The following PHRF1 variants were observed in gnomAD, a reference collection of about 807,000 sequenced individuals.
PHRF1 encodes PHD and ring finger domains 1, also known as PHD and RING finger domain-containing protein 1.
A neutral mutation model predicts 128.9 loss-of-function variants in PHRF1; 53 were observed. That is an observed-to-expected ratio of 0.41 (90% CI 0.33 to 0.52). The LOEUF is 0.52. Among genes scored for constraint, PHRF1 ranks in the 20% least tolerant of loss-of-function variants. The probability of loss-of-function intolerance (pLI) is 0.21; values close to 1 mark genes in which losing one functional copy is unlikely to be tolerated. For missense variants in PHRF1, 2,503 were observed against 2,284.5 expected (o/e 1.10, Z -1.95); for synonymous variants, 1,178 against 980.6 (o/e 1.20, Z -3.76).
At chr11:585,029 C>T (rs1412361746) in intron 3 of PHRF1, among the ~76,000 whole-genome samples, 6 of 152,176 alleles carry the variant, frequency 3.9e-5, no homozygotes, top group Non-Finnish European at 7.4e-5. Context: ...TGAGCCACCG[C>T]GCCTGGCCAG....
At position 585,565 on chromosome 11, in the gene PHRF1, CTTG is replaced by C. The variant is rs1428752825; in HGVS notation, c.215-1693_215-1691del. On this transcript the variant is annotated intron_variant, in intron 3 of 17. Coordinates refer to ENST00000264555, the MANE Select transcript of PHRF1 (RefSeq NM_001286581.2). The stretch of plus-strand genomic sequence containing the variant: ...AGCTTGAGGTAGTAGCCCTTTCCAG[CTTG>C]AGGTAGTAGCCCTTTCCAGCTTGAG... Among the ~76,000 whole-genome samples the C allele has an allele frequency of 8.9e-3, 1,119 of 125,280 alleles. 7 individuals are homozygous for C. The highest frequency in any genetic ancestry group is 0.012 in the Non-Finnish European group (729 of 62,090). The allele number at this position is 125,280 out of a possible 152,430, so 82.2% of individuals were successfully genotyped here. A position where few individuals can be genotyped will look rare whatever the true frequency, so the allele number is the denominator to read the frequency against.
At position 608,750 on chromosome 11, in the gene PHRF1, C is replaced by T. The variant is rs753520297; in HGVS notation, c.3294C>T (p.Ser1098=). The change falls in exon 14 of 18, where the codon AGC becomes AGT. Residue 1098 remains serine (S), a synonymous_variant. Coordinates refer to ENST00000264555, the MANE Select transcript of PHRF1 (RefSeq NM_001286581.2). ...GGTCGCGGTCGGGGAGCCCTGGCAG[C>T]TCTTCCTATGAGCACTATGAGAGTA... ...TSRSRSGSPG[S]SSYEHYESRK... 1.0e-4 allele frequency: 167 copies of T among 1,611,500 alleles called. No homozygotes were observed. The highest frequency in any genetic ancestry group is 8.2e-4 in the Middle Eastern group (5 of 6,082).
rs375754607 is a variant in PHRF1, at chr11:605,339, C to T, written c.1334+39C>T. 4.5e-4 allele frequency: 715 copies of T among 1,602,482 alleles called. 1 individual carries two copies. The highest frequency in any genetic ancestry group is 5.4e-4 in the Admixed American group (32 of 59,616). On this transcript the variant is annotated intron_variant, in intron 11 of 17. Transcript: ENST00000264555. ...TGATGGTCCTGCCTGGGCACCCGCT[C>T]CTCTCCCTGGGGGCTGTGGGCACGG...
At chr11:588,986 A>G (rs1324261318) in intron 4 of PHRF1, among the ~76,000 whole-genome samples, 1 of 151,998 alleles carries the variant, frequency 6.6e-6, no homozygotes, top group Non-Finnish European at 1.5e-5. Flanking sequence ...AAATACAAAA[A>G]TTATCCGGGC....
chr11:596,309 A>G (rs7118452), intron 6 of PHRF1, among the ~76,000 whole-genome samples: 5,977 of 152,268 alleles, frequency 0.039, 405 homozygotes, highest in African/African-American at 0.14. Flanking sequence ...CTACCTTCCC[A>G]GAAGGCTCGA....
In PHRF1 at chr11:607,457, G is replaced by A; in HGVS notation, c.2001G>A (p.Leu667=). The part of the protein sequence containing the change: ...PCRSVVPGPP[L]KPAPRRTDIS... ...GCAGTGTGGTGCCGGGGCCTCCCCT[G>A]AAGCCAGCGCCCAGAAGAACAGACA... Residue 667 remains leucine (L), a synonymous_variant, in exon 14 of 18, where the codon CTG becomes CTA. Coordinates refer to ENST00000264555, the MANE Select transcript of PHRF1 (RefSeq NM_001286581.2). 6.2e-7 allele frequency: 1 copy of A among 1,612,878 alleles called. No homozygotes were observed. Among genetic ancestry groups the A allele is most frequent in the Non-Finnish European group, 8.5e-7 (1 of 1,179,892 alleles).
chr11:583,159 T>G (rs1854314803), intron 3 of PHRF1, among the ~76,000 whole-genome samples: 2 of 151,112 alleles, frequency 1.3e-5, no homozygotes, highest in Admixed American at 6.6e-5. Flanking sequence ...GCTAACATGG[T>G]GAAACCCCGT....
Position 608,894 on chromosome 11 carries a change from A to G in PHRF1, c.3438A>G (p.Pro1146=), listed in dbSNP as rs1289520096. The G allele has an allele frequency of 1.9e-6, 3 of 1,612,220 alleles. No homozygotes were observed. The South Asian group carries it at 3.3e-5, about 18-fold the overall frequency. Residue 1146 remains proline, a synonymous_variant, in exon 14 of 18, where the codon CCA becomes CCG. Transcript: ENST00000264555. ...AGCGGGAACGCAGCCACGAGCGGCCAGACAGGAAGGAGAGTGTGGCGTGGC... is the reference window on the plus strand; with the variant it reads ...AGCGGGAACGCAGCCACGAGCGGCCGGACAGGAAGGAGAGTGTGGCGTGGC... ...KHQRERSHER[P]DRKESVAWPR... is the part of the protein sequence containing the mutation.
chr11:596,916 C>T lies in PHRF1; in HGVS notation c.621-7C>T. Reference sequence around the variant, plus strand: ...CCCGGATGCTTTGGCCCTGCTCTCTCCTGTAGGTACCACATGGAATGCTTG... The same window carrying T: ...CCCGGATGCTTTGGCCCTGCTCTCTTCTGTAGGTACCACATGGAATGCTTG... On this transcript the variant is annotated splice_polypyrimidine_tract_variant and splice_region_variant and intron_variant, in intron 6 of 17. Transcript: ENST00000264555. The T allele has an allele frequency of 6.2e-7, 1 of 1,613,464 alleles. No individual in the cohort carries two copies. The highest frequency in any genetic ancestry group is 8.5e-7 in the Non-Finnish European group (1 of 1,179,528).
intron 3 of PHRF1, among the ~76,000 whole-genome samples, chr11:583,640 C>G (rs1208762410): frequency 6.6e-6 from 1 of 152,236 alleles, no homozygotes; most frequent in East Asian, 1.9e-4. Flanking sequence ...GGCCCATGGT[C>G]TCAGCTACGC....
intron 12 of PHRF1, among the ~76,000 whole-genome samples, 167 bp from the exon 13 acceptor site, chr11:606,275 C>T (rs1001484118): frequency 4.6e-5 from 7 of 152,248 alleles, no homozygotes; most frequent in African/African-American, 7.2e-5. Flanking sequence ...TGGGAGGCCC[C>T]GGTGAGCACC....
rs377171112 is a variant in PHRF1, at chr11:611,813, C to T, written c.*36C>T. Reference sequence around the variant, plus strand: ...TCACGGGCTATGCCCGGGGAGCTGTCGGGAGTGGCGGGAATCGGGGCCATG... The same window carrying T: ...TCACGGGCTATGCCCGGGGAGCTGTTGGGAGTGGCGGGAATCGGGGCCATG... On this transcript the variant is annotated 3_prime_UTR_variant, in exon 18 of 18. Transcript: ENST00000264555. 1.3e-4 allele frequency: 206 copies of T among 1,554,498 alleles called. 1 individual carries two copies. Among genetic ancestry groups the T allele is most frequent in the South Asian group, 1.2e-3 (100 of 85,598 alleles).
In PHRF1 at chr11:601,643, C is replaced by A. The variant is rs756040853; in HGVS notation, c.1094C>A (p.Ala365Glu). Reference protein sequence around the residue: ...SGPSAKSKSSATRSKKRQHRV... With the variant: ...SGPSAKSKSSETRSKKRQHRV... ...CCATCCGCAAAAAGTAAGAGCTCAG[C>A]GACAAGATCTAAGAAACGCCAACAT... The change falls in exon 10 of 18, where the codon GCG becomes GAG. Residue 365 changes from alanine to glutamate, a missense_variant. By Grantham distance (107) the Ala-to-Glu change is moderately radical. Transcript: ENST00000264555. 2 of 1,613,640 alleles carry A rather than the reference C, an allele frequency of 1.2e-6. No individual in the cohort carries two copies. Among genetic ancestry groups the A allele is most frequent in the South Asian group, 1.1e-5 (1 of 91,058 alleles).
chr11:595,639 G>A (rs893475682), intron 6 of PHRF1, among the ~76,000 whole-genome samples: 2 of 152,252 alleles, frequency 1.3e-5, no homozygotes, highest in Admixed American at 1.3e-4. Flanking sequence ...GGATGAGTGT[G>A]GGGGACACAG....
Position 606,523 on chromosome 11 carries a change from C to T in PHRF1, c.1536C>T (p.Gly512=). The T allele has an allele frequency of 6.2e-7, 1 of 1,610,086 alleles. No individual in the cohort carries two copies. The highest frequency in any genetic ancestry group is 8.5e-7 in the Non-Finnish European group (1 of 1,179,620). The stretch of plus-strand genomic sequence containing the variant: ...ACCTGCTGGGCAGCATCCTGTCGGG[C>T]CAGAGCCTCCTGATGCTGGGCAGCA... ...VPDLLGSILS[G]QSLLMLGSSD... The change falls in exon 13 of 18, where the codon GGC becomes GGT. Residue 512 remains glycine, a synonymous_variant. Coordinates refer to ENST00000264555, the MANE Select transcript of PHRF1 (RefSeq NM_001286581.2).
At chr11:599,394 G>T (rs1167786104) in intron 9 of PHRF1, among the ~76,000 whole-genome samples, 1 of 151,408 alleles carries the variant, frequency 6.6e-6, no homozygotes, top group Non-Finnish European at 1.5e-5. Context: ...GGAATTACAG[G>T]CACCCGCCAC....
rs1856019950 is a variant in PHRF1 at position 607,438 on chromosome 11, T to C, written c.1982T>C (p.Val661Ala). Residue 661 changes from valine (V) to alanine (A), a missense_variant, in exon 14 of 18, where the codon GTG (valine) becomes GCG (alanine). By Grantham distance (64) the Val-to-Ala change is moderately conservative (BLOSUM62 0). Transcript: ENST00000264555. ...GATTCTAAGCCCCCATGTCGCAGTG[T>C]GGTGCCGGGGCCTCCCCTGAAGCCA... ...SRDSKPPCRS[V>A]VPGPPLKPAP... The C allele has an allele frequency of 2.5e-6, 4 of 1,612,854 alleles. No homozygotes were observed. The highest frequency in any genetic ancestry group is 3.4e-6 in the Non-Finnish European group (4 of 1,179,886).
intron 4 of PHRF1, among the ~76,000 whole-genome samples, chr11:591,058 G>A (rs1854941631): frequency 6.6e-6 from 1 of 152,230 alleles, no homozygotes; most frequent in Admixed American, 6.5e-5. Flanking sequence ...TTTTGGAAAA[G>A]TTAGCAGAAG....
In PHRF1 at chr11:607,152, T is replaced by C. The variant is rs773546974; in HGVS notation, c.1696T>C (p.Ser566Pro). ...KGCLQPRALP[S>P]GSPAQGPSGN... The stretch of plus-strand genomic sequence containing the variant: ...CTGCCTGCAGCCCCGAGCACTGCCC[T>C]CCGGGAGCCCGGCCCAAGGCCCGTC... Residue 566 changes from serine to proline, a missense_variant, in exon 14 of 18, where the codon TCC becomes CCC. Physicochemically the swap from Ser to Pro is moderately conservative, Grantham distance 74 (BLOSUM62 -1). Coordinates refer to ENST00000264555, the MANE Select transcript of PHRF1 (RefSeq NM_001286581.2). 1 of 1,612,906 alleles carries C rather than the reference T, an allele frequency of 6.2e-7. No individual in the cohort carries two copies. Among genetic ancestry groups the C allele is most frequent in the Non-Finnish European group, 8.5e-7 (1 of 1,179,784 alleles).
Sources: gnomAD v4.1 joint callset for allele counts (sites outside exome capture counted in the v4.1 genomes callset) on GRCh38, gnomAD v4.1.1 for gene constraint, MANE v1.5 for transcripts, NCBI Gene and HGNC (gene_info 2026-07-23, HGNC 2026-07-21) for gene names.